Variants in SATL1 observed in about 807,000 individuals in gnomAD.
SATL1 encodes the protein spermidine/spermine N(1)-acetyltransferase-like protein 1.
SATL1 carries 47 observed loss-of-function variants against 51.8 expected under a neutral mutation model. That is an observed-to-expected ratio of 0.91 (90% CI 0.72 to 1.16). The LOEUF (loss-of-function observed/expected upper bound fraction) is 1.16, where lower values mean the gene tolerates loss of function less well. Ranked by LOEUF, SATL1 falls within the 50% of genes most tolerant of loss-of-function variation. SATL1 has a pLI of 0.00. For synonymous variants in SATL1, 176 were observed against 182.4 expected, an observed-to-expected ratio of 0.97 and a Z score of 0.28; for missense variants, 520 against 526.4, an observed-to-expected ratio of 0.99 and a Z score of 0.12.
chrX:85,159,387 C>G (rs1926664488), intron 2 of SATL1, among the ~76,000 whole-genome samples: 1 of 111,520 alleles, frequency 9.0e-6, no homozygotes, highest in African/African-American at 3.3e-5. Context: ...ATTAGATTCT[C>G]ATAGGCATGC....
Position 85,092,992 on chromosome X carries a change from A to G in SATL1, c.1917+193T>C, listed in dbSNP as rs201131679. The stretch of plus-strand genomic sequence containing the variant: ...GTGGTTGTGGATTATATATAAATCA[A>G]TTTTAATTGACTATAATTCATATAC... On this transcript the variant is annotated intron_variant, in intron 7 of 7. Coordinates refer to ENST00000644105, the MANE Select transcript of SATL1 (RefSeq NM_001367857.2). 1.0e-5 allele frequency: 4 copies of G among 390,490 alleles called. No individual in the cohort carries two copies. In the East Asian group the frequency reaches 1.2e-4, roughly 12 times the overall value. The allele number at this position is 390,490 out of a possible 1,213,427, so 32.2% of individuals were successfully genotyped here. A position where few individuals can be genotyped will look rare whatever the true frequency, so the allele number is the denominator to read the frequency against.
At chrX:85,148,193 C>T (rs113065340) in intron 2 of SATL1, among the ~76,000 whole-genome samples, 1 of 111,213 alleles carries the variant, frequency 9.0e-6, no homozygotes, top group African/African-American at 3.3e-5. Flanking sequence ...GCCTCAGGAG[C>T]CAATGCAATC....
intron 1 of SATL1, among the ~76,000 whole-genome samples, chrX:85,242,378 G>C (rs888913024): frequency 8.9e-6 from 1 of 112,302 alleles, no homozygotes; most frequent in Admixed American, 9.4e-5. Context: ...GAAACCTACA[G>C]AGGTGGGCAA....
intron 2 of SATL1, among the ~76,000 whole-genome samples, chrX:85,199,160 T>C (rs953587528): frequency 9.0e-6 from 1 of 110,663 alleles, no homozygotes; most frequent in Non-Finnish European, 1.9e-5. Flanking sequence ...TAACCATCCC[T>C]ACCTCCCCAC....
At chrX:85,191,717 T>C (rs1473540390) in intron 2 of SATL1, among the ~76,000 whole-genome samples, 1 of 111,830 alleles carries the variant, frequency 8.9e-6, no homozygotes, top group Non-Finnish European at 1.9e-5. Flanking sequence ...GTATTTACTA[T>C]TCATTAAGTG....
At chrX:85,117,546 C>T (rs1925407699) in intron 2 of SATL1, 1 of 109,945 alleles carries the variant, frequency 9.1e-6, no homozygotes, top group Admixed American at 9.8e-5. Flanking sequence ...TTTTTTGGTA[C>T]CCCTGTAAGA....
intron 2 of SATL1, among the ~76,000 whole-genome samples, chrX:85,189,341 C>CA (rs1336662459): frequency 1.8e-5 from 2 of 111,110 alleles, no homozygotes; most frequent in African/African-American, 6.6e-5. Flanking sequence ...GCATGACTCC[C>CA]AAAAAACTTG....
In SATL1 at chrX:85,136,893, G is replaced by T. The variant is rs144019871; in HGVS notation, c.-312-27613C>A. 6.4e-3 allele frequency among the ~76,000 whole-genome samples: 714 copies of T among 111,564 alleles called. 15 individuals are homozygous for T. The highest frequency in any genetic ancestry group is 0.054 in the East Asian group (192 of 3,525). On this transcript the variant is annotated intron_variant, in intron 2 of 7. Transcript: ENST00000644105. ...TGAGTGATTATTACTCTTCCAACAG[G>T]CTGTGCTATAAAGAAAAGGCAATAA...
rs148187787 is a variant in SATL1 at position 85,096,699 on chromosome X, C to T, written c.1694-1703G>A. On this transcript the variant is annotated intron_variant, in intron 4 of 7. Transcript: ENST00000644105. ...CTCAATTAGATTACCATCTGCTTTC[C>T]CATCAGAAACCTTGGAAGCCAAAAA... Among the ~76,000 whole-genome samples the T allele has an allele frequency of 1.3e-3, 142 of 110,479 alleles. 1 individual carries two copies. The East Asian group carries it at 0.023, about 18-fold the overall frequency.
intron 2 of SATL1, among the ~76,000 whole-genome samples, chrX:85,119,886 A>G (rs1925467895): frequency 8.9e-6 from 1 of 111,867 alleles, no homozygotes; most frequent in Admixed American, 9.6e-5. Flanking sequence ...AATAACCAAG[A>G]ATAAAATGAA....
intron 2 of SATL1, among the ~76,000 whole-genome samples, chrX:85,178,437 AAC>A (rs2147738410): frequency 9.1e-6 from 1 of 110,212 alleles, no homozygotes; most frequent in South Asian, 3.8e-4. Flanking sequence ...TTGTTTTAGA[AAC>A]AGTCTCCCTA....
intron 2 of SATL1, among the ~76,000 whole-genome samples, chrX:85,167,741 A>G (rs749566452): frequency 5.4e-4 from 60 of 111,388 alleles, no homozygotes; most frequent in Middle Eastern, 4.6e-3. Context: ...ACTCCTATTG[A>G]AACTATTCCA....
chrX:85,190,401 G>A (rs1349485595), intron 2 of SATL1, among the ~76,000 whole-genome samples: 1 of 111,360 alleles, frequency 9.0e-6, no homozygotes, highest in African/African-American at 3.3e-5. Flanking sequence ...CTAGATAAAG[G>A]CTATGGTCCT....
intron 2 of SATL1, among the ~76,000 whole-genome samples, chrX:85,152,297 C>G (rs1447274549): frequency 9.0e-6 from 1 of 110,904 alleles, no homozygotes; most frequent in Non-Finnish European, 1.9e-5. Context: ...GAATGGCAAT[C>G]ATTAAAAAGT....
intron 2 of SATL1, among the ~76,000 whole-genome samples, chrX:85,191,494 G>A (rs1927438005): frequency 9.0e-6 from 1 of 111,203 alleles, no homozygotes; most frequent in Non-Finnish European, 1.9e-5. Context: ...GGGGTTAGGA[G>A]CACTGACACC....
intron 3 of SATL1, 132 bp downstream of exon 3, chrX:85,107,196 G>A: frequency 2.2e-6 from 1 of 462,642 alleles, no homozygotes; most frequent in South Asian, 3.5e-5. Context: ...GAAGAGTAAA[G>A]AGGTTAAGTA....
intron 2 of SATL1, among the ~76,000 whole-genome samples, chrX:85,114,203 G>A (rs1474102962): frequency 4.5e-5 from 5 of 111,606 alleles, no homozygotes; most frequent in African/African-American, 1.3e-4. Context: ...AGGTAGAGAG[G>A]AACCAATATG....
At chrX:85,220,681 A>C (rs1928156891) in intron 2 of SATL1, among the ~76,000 whole-genome samples, 1 of 89,958 alleles carries the variant, frequency 1.1e-5, no homozygotes, top group African/African-American at 4.7e-5. Flanking sequence ...AAAAAAAAAA[A>C]AAAAAACTCT....
chrX:85,185,031 C>T (rs755167936), intron 2 of SATL1, among the ~76,000 whole-genome samples: 46 of 112,475 alleles, frequency 4.1e-4, no homozygotes, highest in Non-Finnish European at 7.1e-4. Context: ...TTGGTCACTG[C>T]ACCTATATCT....
Sources: gnomAD v4.1 joint callset for allele counts (sites outside exome capture counted in the v4.1 genomes callset) on GRCh38, gnomAD v4.1.1 for gene constraint, MANE v1.5 for transcripts, NCBI Gene and HGNC (gene_info 2026-07-23, HGNC 2026-07-21) for gene names.